Variants in PPFIA2 observed in about 807,000 individuals in gnomAD.
The protein encoded by PPFIA2 is PPFI scaffold protein A2.
PPFIA2 carries 46 observed loss-of-function variants against 175.5 expected under a neutral mutation model. The ratio of observed to expected loss-of-function variants is 0.26; its 90% confidence interval spans 0.21 to 0.34. The LOEUF is 0.34. PPFIA2 is among the 10% of genes least tolerant of loss of function. PPFIA2 has a pLI of 1.00. For synonymous variants in PPFIA2, 568 were observed against 511.4 expected (o/e 1.11, Z -1.49); for missense variants, 1,179 against 1,506.1 (o/e 0.78, Z 3.60).
intron 8 of PPFIA2, among the ~76,000 whole-genome samples, chr12:81,404,596 T>C (rs1453280274): frequency 6.6e-6 from 1 of 152,194 alleles, no homozygotes; most frequent in Non-Finnish European, 1.5e-5. Context: ...AAATTGTAGT[T>C]TATGTTTTAT....
At chr12:81,607,840 C>T (rs972234696) in intron 4 of PPFIA2, among the ~76,000 whole-genome samples, 3 of 151,916 alleles carry the variant, frequency 2.0e-5, no homozygotes, top group African/African-American at 7.2e-5. Flanking sequence ...GTCAAATAGG[C>T]GTGGTGAGAA....
chr12:81,506,111 C>A (rs1487846785), intron 4 of PPFIA2: 1 of 152,166 alleles, frequency 6.6e-6, no homozygotes, highest in Non-Finnish European at 1.5e-5. Context: ...TGTTTCCATG[C>A]TGGTGGAAGG....
chr12:81,300,740 A>T (rs1302848647), intron 22 of PPFIA2, among the ~76,000 whole-genome samples: 1 of 152,122 alleles, frequency 6.6e-6, no homozygotes, highest in Non-Finnish European at 1.5e-5. Flanking sequence ...CCATTCCCTC[A>T]GGTCTCCCAG....
At chr12:81,580,779 T>C (rs896446027) in intron 4 of PPFIA2, among the ~76,000 whole-genome samples, 3 of 151,786 alleles carry the variant, frequency 2.0e-5, no homozygotes, top group Non-Finnish European at 4.4e-5. Context: ...TGGTACAACA[T>C]GTGCTTTGTG....
At chr12:81,464,090 G>C (rs1274152540) in intron 4 of PPFIA2, among the ~76,000 whole-genome samples, 1 of 151,900 alleles carries the variant, frequency 6.6e-6, no homozygotes, top group Non-Finnish European at 1.5e-5. Context: ...GGTCTCACCT[G>C]TCTTTAAAAA....
At chr12:81,637,186 C>T (rs1337189094) in intron 4 of PPFIA2, among the ~76,000 whole-genome samples, 1 of 147,468 alleles carries the variant, frequency 6.8e-6, no homozygotes, top group Non-Finnish European at 1.5e-5. Flanking sequence ...TCTCCTGCCT[C>T]AGCCTCCCAA....
At chr12:81,677,809 T>G (rs2072843620) in intron 3 of PPFIA2, among the ~76,000 whole-genome samples, 1 of 151,820 alleles carries the variant, frequency 6.6e-6, no homozygotes, top group Non-Finnish European at 1.5e-5. Flanking sequence ...AATGGGGAAA[T>G]AGGAAATGGT....
At chr12:81,394,855 G>A (rs1399313017) in intron 8 of PPFIA2, among the ~76,000 whole-genome samples, 5 of 150,710 alleles carry the variant, frequency 3.3e-5, no homozygotes, top group African/African-American at 1.2e-4. Context: ...TTTGAAAGAT[G>A]AGTATATTGT....
intron 4 of PPFIA2, among the ~76,000 whole-genome samples, chr12:81,567,811 T>C (rs1038608027): frequency 1.3e-5 from 2 of 152,236 alleles, no homozygotes; most frequent in African/African-American, 4.8e-5. Context: ...ATTGAAAATA[T>C]AGCACTTTCC....
chr12:81,573,278 T>C (rs2072903963), intron 4 of PPFIA2, among the ~76,000 whole-genome samples: 1 of 151,866 alleles, frequency 6.6e-6, no homozygotes, highest in South Asian at 2.1e-4. Context: ...TTATTCTGTA[T>C]TTTTTTAAAT....
chr12:81,343,280 A>G (rs2058468768), intron 19 of PPFIA2, among the ~76,000 whole-genome samples: 1 of 152,070 alleles, frequency 6.6e-6, no homozygotes. Context: ...ATTTGAGACT[A>G]CATTTTCGTA....
At chr12:81,464,008 C>T (rs1377742424) in intron 4 of PPFIA2, among the ~76,000 whole-genome samples, 1 of 152,084 alleles carries the variant, frequency 6.6e-6, no homozygotes, top group East Asian at 1.9e-4. Flanking sequence ...TCTATTTCAG[C>T]TAATATTCCC....
At position 81,413,125 on chromosome 12, in the gene PPFIA2, C is replaced by A. The variant is rs557091647; in HGVS notation, c.646-7222G>T. Among the ~76,000 whole-genome samples the A allele has an allele frequency of 2.0e-5, 3 of 151,914 alleles. No individual in the cohort carries two copies. In the South Asian group the frequency reaches 6.2e-4, roughly 31 times the overall value. Reference sequence around the variant, plus strand: ...TCACAACTGGATGTTAGTTTTCTCACCAACCATTTTGACACAGTGCCTTGA... The same window carrying A: ...TCACAACTGGATGTTAGTTTTCTCAACAACCATTTTGACACAGTGCCTTGA... On this transcript the variant is annotated intron_variant, in intron 7 of 32. Transcript: ENST00000549396.
In PPFIA2 at chr12:81,588,596, C is replaced by A. The variant is rs116772325; in HGVS notation, c.303+88195G>T. 3.9e-3 allele frequency among the ~76,000 whole-genome samples: 595 copies of A among 152,200 alleles called. 5 individuals carry two copies. The highest frequency in any genetic ancestry group is 0.014 in the African/African-American group (568 of 41,568). ...TATATTGTTTTCCAAACGGCTCCTT[C>A]TCCATATTCATCTCTCCTTCACTAG... is the stretch of plus-strand genomic sequence containing the variant. On this transcript the variant is annotated intron_variant, in intron 4 of 32. Transcript: ENST00000549396.
intron 24 of PPFIA2, 53 bp downstream of exon 24, chr12:81,294,782 C>T (rs1469629893): frequency 4.5e-6 from 7 of 1,553,234 alleles, no homozygotes; most frequent in South Asian, 1.2e-5. Context: ...TAGACTTAGA[C>T]ACACGGCTAT....
chr12:81,679,123 C>A (rs2073127391), intron 3 of PPFIA2, among the ~76,000 whole-genome samples: 1 of 151,890 alleles, frequency 6.6e-6, no homozygotes, highest in South Asian at 2.1e-4. Flanking sequence ...CTTAAAATCT[C>A]ATGGAATGAA....
In PPFIA2 at chr12:81,750,326, C is replaced by G. The variant is rs1276927411; in HGVS notation, c.249+3647G>C. On this transcript the variant is annotated intron_variant, in intron 3 of 32. Transcript: ENST00000549396. Reference sequence around the variant, plus strand: ...GAGATGCAGCAAAGAATTTCAGGGTCAGGTGCCAAGAAAAACAGAAGAGTA... The same window carrying G: ...GAGATGCAGCAAAGAATTTCAGGGTGAGGTGCCAAGAAAAACAGAAGAGTA... Among the ~76,000 whole-genome samples the G allele has an allele frequency of 1.4e-5, 2 of 143,594 alleles. 1 individual carries two copies. The highest frequency in any genetic ancestry group is 3.1e-5 in the Non-Finnish European group (2 of 64,098). 94.2% of individuals were successfully genotyped at this position (143,594 alleles called of 152,430 possible). A position where few individuals can be genotyped will look rare whatever the true frequency, so the allele number is the denominator to read the frequency against.
rs1567688409 is a variant in PPFIA2 at position 81,642,734 on chromosome 12, T to TGTATATATTATATACATAC, written c.303+34056_303+34057insGTATGTATATAATATATAC. Among the ~76,000 whole-genome samples, 26 of 8,958 alleles carry TGTATATATTATATACATAC rather than the reference T, an allele frequency of 2.9e-3. 2 individuals carry two copies. Among genetic ancestry groups the TGTATATATTATATACATAC allele is most frequent in the Non-Finnish European group, 3.9e-3 (15 of 3,810 alleles). The allele number at this position is 8,958 out of a possible 152,430, so 5.9% of individuals were successfully genotyped here. On this transcript the variant is annotated intron_variant, in intron 4 of 32. Transcript: ENST00000549396. Reference sequence around the variant, plus strand: ...TGTATGTATTATATACATACATGTATATGTATGTATGTATTATATACATAC... The same window carrying TGTATATATTATATACATAC: ...TGTATGTATTATATACATACATGTATGTATATATTATATACATACATGTATGTATGTATTATATACATAC...
intron 8 of PPFIA2, among the ~76,000 whole-genome samples, 171 bp downstream of exon 8, chr12:81,405,616 G>A (rs1480411050): frequency 6.6e-6 from 1 of 151,822 alleles, no homozygotes; most frequent in African/African-American, 2.4e-5. Context: ...TTATATTTAA[G>A]AGAATCAAAA....
Sources: allele counts gnomAD v4.1 joint callset (sites outside exome capture counted in the v4.1 genomes callset), GRCh38; gene constraint gnomAD v4.1.1; transcripts MANE v1.5; gene names NCBI Gene and HGNC (gene_info 2026-07-23, HGNC 2026-07-21).